Variants in SMTN observed in about 807,000 individuals in gnomAD.
SMTN encodes the protein smoothelin.
SMTN carries 58 observed loss-of-function variants against 102.0 expected under a neutral mutation model. The observed-to-expected ratio is 0.57, with a 90% confidence interval of 0.46 to 0.71. SMTN has a LOEUF of 0.71. Among genes scored for constraint, SMTN ranks in the 30% least tolerant of loss-of-function variants. The pLI is 0.00. For synonymous variants in SMTN, 478 were observed against 497.9 expected, an observed-to-expected ratio of 0.96 and a Z score of 0.53; for missense variants, 1,185 against 1,241.7, an observed-to-expected ratio of 0.95 and a Z score of 0.69.
At chr22:31,094,214 A>G (rs1175915048) in intron 11 of SMTN, among the ~76,000 whole-genome samples, 1 of 152,238 alleles carries the variant, frequency 6.6e-6, no homozygotes, top group Non-Finnish European at 1.5e-5. Context: ...AGGAAGGGCC[A>G]TAATAGTTGG....
chr22:31,097,752 A>AT, intron 16 of SMTN, among the ~76,000 whole-genome samples: 1 of 151,832 alleles, frequency 6.6e-6, no homozygotes, highest in Non-Finnish European at 1.5e-5. Context: ...AAATAAATAA[A>AT]ACAGAGGGGT....
chr22:31,091,527 AC>A, intron 10 of SMTN, 45 bp downstream of exon 10: 1 of 1,512,734 alleles, frequency 6.6e-7, no homozygotes, highest in Non-Finnish European at 8.8e-7. Context: ...AGTGCCTGCA[AC>A]CGCACTTCTG....
intron 11 of SMTN, among the ~76,000 whole-genome samples, chr22:31,094,452 G>A (rs536317784): frequency 2.6e-5 from 4 of 152,364 alleles, no homozygotes; most frequent in African/African-American, 7.2e-5. Flanking sequence ...GGGGCAACAT[G>A]TGCTGCCTGG....
Position 31,099,696 on chromosome 22 carries a change from A to AG in SMTN, c.2452-43dup, listed in dbSNP as rs756320428. On this transcript the variant is annotated intron_variant, in intron 18 of 20. Coordinates refer to ENST00000333137, the MANE Select transcript of SMTN (RefSeq NM_134269.3). The stretch of plus-strand genomic sequence containing the variant: ...AACAGAATGCTGAGGGGTAGACAGC[A>AG]GGGGGGAGTTGCCCCCAGGTTCCTG... 3 of 1,598,838 alleles carry AG rather than the reference A, an allele frequency of 1.9e-6. No individual in the cohort carries two copies. The South Asian group carries it at 3.3e-5, about 18-fold the overall frequency.
intron 16 of SMTN, 74 bp from the exon 17 acceptor site, chr22:31,098,593 T>G (rs2147789279): frequency 6.8e-7 from 1 of 1,462,052 alleles, no homozygotes; most frequent in Non-Finnish European, 9.4e-7. Flanking sequence ...CCCCCCCTCC[T>G]CCTCGCGAGT....
intron 2 of SMTN, chr22:31,085,342 G>A: frequency 1.4e-6 from 2 of 1,431,964 alleles, no homozygotes; most frequent in Non-Finnish European, 1.8e-6. Flanking sequence ...CGCAGAACCT[G>A]CGGGCCTTCA....
intron 11 of SMTN, chr22:31,093,742 G>A (rs763314164): frequency 1.3e-5 from 19 of 1,454,810 alleles, no homozygotes; most frequent in South Asian, 4.6e-5. Flanking sequence ...GGAGCCCAGC[G>A]AGCTGCTCCT....
chr22:31,073,011 CTTTTTTTT>C (rs59040826), intron 1 of SMTN, among the ~76,000 whole-genome samples: 1 of 85,684 alleles, frequency 1.2e-5, no homozygotes, highest in Non-Finnish European at 2.2e-5. Context: ...CTCTCTCTCT[CTTTTTTTT>C]TTTTTTTTTT....
At position 31,091,106 on chromosome 22, in the gene SMTN, C is replaced by T. The variant is rs200521148; in HGVS notation, c.1083C>T (p.Pro361=). The T allele has an allele frequency of 5.8e-5, 93 of 1,613,914 alleles. No homozygotes were observed. The highest frequency in any genetic ancestry group is 7.3e-5 in the Non-Finnish European group (86 of 1,179,974). ...AGGCTGCCCTAAGTCCCCTGACCCC[C>T]GCAAGGCTCCTGGGCCCCTCCCTCA... ...TPQAALSPLT[P]ARLLGPSLTS... is the part of the protein sequence containing the mutation. The change falls in exon 10 of 21, where the codon CCC becomes CCT. Residue 361 remains proline (P), a synonymous_variant. Coordinates refer to ENST00000333137, the MANE Select transcript of SMTN (RefSeq NM_134269.3).
At position 31,096,733 on chromosome 22, in the gene SMTN, A is replaced by G. The variant is rs758579257; in HGVS notation, c.1862A>G (p.Asp621Gly). ...CATGCATGGGGCATCCCCTGCCCAG[A>G]CCAGCGGGACAAGGAGCGGGAACGG... ...ALRELRQRKR[D>G]QRDKERERRL... Residue 621 changes from aspartate to glycine, a missense_variant and splice_region_variant, in exon 14 of 21, where the codon GAC becomes GGC. Physicochemically the swap from Asp to Gly is moderately conservative, Grantham distance 94. This residue lies in a region of SMTN where 1,096 missense variants were observed against 1,112.7 expected (regional missense o/e 0.98). Coordinates refer to ENST00000333137, the MANE Select transcript of SMTN (RefSeq NM_134269.3). 1.9e-6 allele frequency: 3 copies of G among 1,546,020 alleles called. No homozygotes were observed. Among genetic ancestry groups the G allele is most frequent in the African/African-American group, 2.7e-5 (2 of 73,292 alleles).
chr22:31,084,847 A>C, intron 2 of SMTN: 1 of 728,478 alleles, frequency 1.4e-6, no homozygotes. Context: ...CTCCTCCAGC[A>C]CCCGGCGCCC....
rs148645410 is a variant in SMTN at position 31,102,989 on chromosome 22, T to C, written c.*21-1327T>C. 581 of 152,324 alleles carry C rather than the reference T, an allele frequency of 3.8e-3. 1 individual carries two copies. Among genetic ancestry groups the C allele is most frequent in the Non-Finnish European group, 6.6e-3 (447 of 68,072 alleles). The allele number at this position is 152,324 out of a possible 1,614,324, so 9.4% of individuals were successfully genotyped here. On this transcript the variant is annotated intron_variant, in intron 20 of 20. Transcript: ENST00000333137. ...AATTCTTGTAAGGTCTCAAATGAGA[T>C]AGAGAATAACTGTCCTGTTCTAAAG...
At chr22:31,074,409 CA>C (rs2042080084) in intron 1 of SMTN, among the ~76,000 whole-genome samples, 1 of 152,114 alleles carries the variant, frequency 6.6e-6, no homozygotes, top group African/African-American at 2.4e-5. Flanking sequence ...TCTAGAATCA[CA>C]GCCCTGGGCT....
At chr22:31,069,538 C>T (rs929355095) in intron 1 of SMTN, among the ~76,000 whole-genome samples, 8 of 152,192 alleles carry the variant, frequency 5.3e-5, no homozygotes, top group African/African-American at 1.9e-4. Context: ...ATGGGCAAGA[C>T]CTGGCCAGCT....
In SMTN at chr22:31,099,697, G is replaced by T. The variant is rs768301230; in HGVS notation, c.2452-48G>T. The T allele has an allele frequency of 1.9e-6, 3 of 1,597,314 alleles. No individual in the cohort carries two copies. The South Asian group carries it at 3.3e-5, about 18-fold the overall frequency. On this transcript the variant is annotated intron_variant, in intron 18 of 20. Coordinates refer to ENST00000333137, the MANE Select transcript of SMTN (RefSeq NM_134269.3). ...ACAGAATGCTGAGGGGTAGACAGCAGGGGGGAGTTGCCCCCAGGTTCCTGA... is the reference window on the plus strand; with the variant it reads ...ACAGAATGCTGAGGGGTAGACAGCATGGGGGAGTTGCCCCCAGGTTCCTGA...
chr22:31,099,900 AG>A lies in SMTN; in HGVS notation c.2603+5del. On this transcript the variant is annotated splice_donor_5th_base_variant and intron_variant, in intron 19 of 20. Coordinates refer to ENST00000333137, the MANE Select transcript of SMTN (RefSeq NM_134269.3). ...AGGTGGCCTTCTCATCTGCGGAGTAAGTGTGGGCCCTGGCCCTGCTAATGTT... is the reference window on the plus strand; with the variant it reads ...AGGTGGCCTTCTCATCTGCGGAGTAATGTGGGCCCTGGCCCTGCTAATGTT... 6.2e-7 allele frequency: 1 copy of A among 1,613,718 alleles called. No individual in the cohort carries two copies. Among genetic ancestry groups the A allele is most frequent in the South Asian group, 1.1e-5 (1 of 91,076 alleles).
chr22:31,086,664 G>A (rs1373080011), intron 2 of SMTN, among the ~76,000 whole-genome samples: 1 of 152,220 alleles, frequency 6.6e-6, no homozygotes, highest in Non-Finnish European at 1.5e-5. Context: ...GAGTTTAAGG[G>A]ATATGCTCTT....
Position 31,088,105 on chromosome 22 carries a change from C to T in SMTN, c.192C>T (p.Asn64=). 6.2e-7 allele frequency: 1 copy of T among 1,600,090 alleles called. No homozygotes were observed. The highest frequency in any genetic ancestry group is 8.5e-7 in the Non-Finnish European group (1 of 1,170,580). ...CCGAGCGGCAGGACAACAAGGAGAA[C>T]TGGCTGCAGTGAGTAGCGGGGGGTG... ...FRAERQDNKE[N]WLHSQQREAE... Residue 64 remains asparagine, a synonymous_variant, in exon 3 of 21, where the codon AAC becomes AAT. Coordinates refer to ENST00000333137, the MANE Select transcript of SMTN (RefSeq NM_134269.3).
chr22:31,098,880 G>GATAGGCAGTGGGGGGCGGGGCT (rs752176447), intron 17 of SMTN, 40 bp downstream of exon 17: 6 of 1,529,398 alleles, frequency 3.9e-6, no homozygotes, highest in South Asian at 1.1e-5. Context: ...GGGGCGGGGC[G>GATAGGCAGTGGGGGGCGGGGCT]TGATAGGCAG....
Sources: allele counts gnomAD v4.1 joint callset (sites outside exome capture counted in the v4.1 genomes callset), GRCh38; gene constraint gnomAD v4.1.1; regional missense constraint gnomAD v4.1.1; transcripts MANE v1.5; gene names NCBI Gene and HGNC (gene_info 2026-07-23, HGNC 2026-07-21).